BPIFB3: variants seen among roughly 807,000 people sequenced by gnomAD.
BPIFB3 encodes the protein BPI fold-containing family B member 3.
Under a neutral mutation model 53.1 loss-of-function variants are expected in BPIFB3, and 49 were observed. The observed-to-expected ratio is 0.92, with a 90% CI of 0.73 to 1.17. The LOEUF is 1.17. BPIFB3 is among the 50% of genes most tolerant of loss of function. BPIFB3 has a pLI of 0.00. For missense variants in BPIFB3, 628 were observed against 592.5 expected (o/e 1.06, Z -0.62); for synonymous variants, 271 against 269.6 (o/e 1.01, Z -0.05).
intron 8 of BPIFB3, 131 bp downstream of exon 9, chr20:33,064,976 GT>G: frequency 1.0e-6 from 1 of 1,002,746 alleles, no homozygotes; most frequent in Non-Finnish European, 1.4e-6. Flanking sequence ...AGTTGAACAA[GT>G]TTAGAGTGTG....
chr20:33,069,940 C>G (rs1409700763), exon 11 of BPIFB3: 7 of 1,614,066 alleles, frequency 4.3e-6, no homozygotes, highest in Non-Finnish European at 5.9e-6. Flanking sequence ...CTGCACATCT[C>G]CCTGTCCCTG....
At chr20:33,073,530 A>G (rs745694167) in intron 14 of BPIFB3, 46 bp from the exon 16 acceptor site, 2 of 1,611,490 alleles carry the variant, frequency 1.2e-6, no homozygotes, top group South Asian at 1.1e-5. Flanking sequence ...GGGATGGGGC[A>G]TTGCAGAGAC....
intron 2 of BPIFB3, among the ~76,000 whole-genome samples, chr20:33,057,280 C>A (rs1422338017): frequency 2.0e-5 from 3 of 152,126 alleles, no homozygotes; most frequent in African/African-American, 7.2e-5. Context: ...CCTCCGCTTC[C>A]CGGGTTCAAG....
At chr20:33,071,817 G>T (rs1038384822) in intron 12 of BPIFB3, among the ~76,000 whole-genome samples, 1 of 152,108 alleles carries the variant, frequency 6.6e-6, no homozygotes, top group Non-Finnish European at 1.5e-5. Flanking sequence ...TCTTTCTTAG[G>T]CACTGCCCAC....
In BPIFB3 at chr20:33,064,560, G is replaced by A; in HGVS notation, c.744+12G>A. 1 of 1,613,594 alleles carries A rather than the reference G, an allele frequency of 6.2e-7. No individual in the cohort carries two copies. The highest frequency in any genetic ancestry group is 8.5e-7 in the Non-Finnish European group (1 of 1,179,550). Reference sequence around the variant, plus strand: ...AACTGGACATCAACGTGAGTAACCAGAGGGGCCTCTCCTCCTGCTGGGGGT... The same window carrying A: ...AACTGGACATCAACGTGAGTAACCAAAGGGGCCTCTCCTCCTGCTGGGGGT... On this transcript the variant is annotated intron_variant, in intron 7 of 14. Coordinates refer to ENST00000375494, the Ensembl canonical transcript of BPIFB3.
At chr20:33,056,029 C>T (rs749996359) in intron 1 of BPIFB3, among the ~76,000 whole-genome samples, 2 of 152,216 alleles carry the variant, frequency 1.3e-5, no homozygotes, top group Non-Finnish European at 2.9e-5. Context: ...TTCCTCCATC[C>T]TGCCCTTCCC....
chr20:33,057,011 C>T (rs1980238249), intron 2 of BPIFB3, among the ~76,000 whole-genome samples: 1 of 152,166 alleles, frequency 6.6e-6, no homozygotes, highest in African/African-American at 2.4e-5. Context: ...CAGGTGTCCG[C>T]TCAAAAGAGG....
chr20:33,066,735 A>C, intron 8 of BPIFB3, 89 bp from the exon 10 acceptor site: 3 of 1,237,668 alleles, frequency 2.4e-6, no homozygotes, highest in East Asian at 2.3e-5. Flanking sequence ...GGTAGGGGGA[A>C]GAGTGGTGAA....
At chr20:33,059,816 C>T in intron 3 of BPIFB3, 75 bp from the exon 5 acceptor site, 2 of 1,556,092 alleles carry the variant, frequency 1.3e-6, no homozygotes, top group Middle Eastern at 1.9e-4. Context: ...AGGCCACTGG[C>T]AGGGCCACCC....
intron 8 of BPIFB3, 147 bp downstream of exon 9, chr20:33,064,992 C>G (rs1980615672): frequency 6.8e-6 from 6 of 876,230 alleles, no homozygotes; most frequent in Non-Finnish European, 1.0e-5. Flanking sequence ...AGTGTGTACA[C>G]TGCTGTTCTC....
chr20:33,069,973 G>A lies in BPIFB3; in HGVS notation c.1217+18G>A, dbSNP rs752701177. 1.2e-6 allele frequency: 2 copies of A among 1,612,716 alleles called. No individual in the cohort carries two copies. Among genetic ancestry groups the A allele is most frequent in the South Asian group, 2.2e-5 (2 of 91,044 alleles). ...CTGGAACGGTAACTTGGGATCCTGG[G>A]GACAGGATCTTGTTCTTGTCTTTAG... On this transcript the variant is annotated intron_variant, in intron 11 of 14. Transcript: ENST00000375494.
intron 1 of BPIFB3, 38 bp downstream of exon 2, chr20:33,055,585 C>A (rs906889764): frequency 1.2e-6 from 2 of 1,611,750 alleles, no homozygotes; most frequent in Admixed American, 1.7e-5. Flanking sequence ...GGGGCTGCTG[C>A]AATGTCAACG....
At chr20:33,057,469 G>A (rs1260301162) in intron 2 of BPIFB3, among the ~76,000 whole-genome samples, 2 of 34,204 alleles carry the variant, frequency 5.8e-5, no homozygotes, top group Non-Finnish European at 1.1e-4. Flanking sequence ...GATTACAGGC[G>A]TGAGCTGGGG....
downstream of BPIFB3, chr20:33,073,653 C>G: frequency 6.2e-7 from 1 of 1,603,330 alleles, no homozygotes; most frequent in South Asian, 1.1e-5. Context: ...TAGAGACCAC[C>G]TGTCTACTCT....
At chr20:33,064,572 C>T (rs1207608547) in intron 7 of BPIFB3, 24 bp downstream of exon 8, 1 of 1,612,996 alleles carries the variant, frequency 6.2e-7, no homozygotes, top group East Asian at 2.2e-5. Flanking sequence ...GGGGCCTCTC[C>T]TCCTGCTGGG....
At chr20:33,066,764 G>GC in intron 8 of BPIFB3, 60 bp from the exon 10 acceptor site, 1 of 1,535,098 alleles carries the variant, frequency 6.5e-7, no homozygotes, top group East Asian at 2.2e-5. Context: ...CTCTGAGTGT[G>GC]CTGAGGGATT....
At chr20:33,059,955 G>GTGA in exon 4 of BPIFB3, 1 of 1,614,152 alleles carries the variant, frequency 6.2e-7, no homozygotes. Context: ...GGCGCTGGCC[G>GTGA]TGAGCTCAAG....
chr20:33,055,331 G>C, upstream of BPIFB3: 1 of 1,557,316 alleles, frequency 6.4e-7, no homozygotes, highest in Non-Finnish European at 8.7e-7. Flanking sequence ...TGCCAGGTGG[G>C]CAGGAAGGGG....
chr20:33,063,972 T>C (rs1217231470), intron 6 of BPIFB3, among the ~76,000 whole-genome samples: 1 of 152,110 alleles, frequency 6.6e-6, no homozygotes, highest in Admixed American at 6.5e-5. Context: ...GAAGATATAA[T>C]GATTACCTGG....
Sources: allele counts gnomAD v4.1 joint callset (sites outside exome capture counted in the v4.1 genomes callset), GRCh38; gene constraint gnomAD v4.1.1; transcripts MANE v1.5; gene names NCBI Gene and HGNC (gene_info 2026-07-23, HGNC 2026-07-21).